Variants in PLEKHG1 observed in about 807,000 individuals in gnomAD.
PLEKHG1 encodes pleckstrin homology domain-containing family G member 1.
Under a neutral mutation model 100.8 loss-of-function variants are expected in PLEKHG1, and 44 were observed. The observed-to-expected ratio is 0.44, with a 90% CI of 0.34 to 0.56. PLEKHG1 has a LOEUF of 0.56. Ranked by LOEUF, PLEKHG1 falls within the 20% of genes least tolerant of loss-of-function variation. The pLI, the probability that PLEKHG1 is intolerant of heterozygous loss-of-function variation, is 0.01. For synonymous variants in PLEKHG1, 640 were observed against 662.5 expected (o/e 0.97, Z 0.52); for missense variants, 1,545 against 1,720.9 (o/e 0.90, Z 1.81).
intron 3 of PLEKHG1, among the ~76,000 whole-genome samples, chr6:150,684,932 G>A (rs1051990465): frequency 6.6e-6 from 1 of 152,068 alleles, no homozygotes; most frequent in Non-Finnish European, 1.5e-5. Flanking sequence ...CGTTTTCTCT[G>A]CCACTTCACC....
chr6:150,708,492 C>A (rs1781112145), intron 3 of PLEKHG1, among the ~76,000 whole-genome samples: 1 of 152,142 alleles, frequency 6.6e-6, no homozygotes, highest in African/African-American at 2.4e-5. Flanking sequence ...CCCCCTTAGG[C>A]CCCTTGTAAA....
chr6:150,669,684 C>T (rs926410692), intron 3 of PLEKHG1, among the ~76,000 whole-genome samples: 1 of 151,182 alleles, frequency 6.6e-6, no homozygotes, highest in Non-Finnish European at 1.5e-5. Context: ...GCAACCTCCA[C>T]CTCCCAGGTT....
intron 3 of PLEKHG1, among the ~76,000 whole-genome samples, chr6:150,715,495 T>TTC (rs1420950204): frequency 4.0e-5 from 6 of 150,526 alleles, no homozygotes; most frequent in African/African-American, 1.5e-4. Flanking sequence ...TTTTTCTTTT[T>TTC]TTTTTTTTTT....
At chr6:150,760,673 AG>A in intron 2 of PLEKHG1, among the ~76,000 whole-genome samples, 1 of 146,860 alleles carries the variant, frequency 6.8e-6, no homozygotes, top group African/African-American at 2.5e-5. Context: ...AAATAATGAT[AG>A]GATTTACACT....
chr6:150,721,027 C>A, upstream of PLEKHG1: 1 of 385,178 alleles, frequency 2.6e-6, no homozygotes, highest in Non-Finnish European at 3.6e-6. Flanking sequence ...GAGAAAGTTG[C>A]AAATCAGGTT....
intron 14 of PLEKHG1, chr6:150,827,516 T>C (rs1289543440): frequency 1.9e-6 from 1 of 519,554 alleles, no homozygotes; most frequent in African/African-American, 1.9e-5. Context: ...CCTCAGGTGA[T>C]TCGCCCGCCT....
rs1165879186 is a variant in PLEKHG1 at position 150,828,297 on chromosome 6, C to T, written c.1471-2285C>T. The stretch of plus-strand genomic sequence containing the variant: ...CAATTACGACAGACCTGGAGGAAAA[C>T]CCTAAGAAGCCGATTGAAGACGTGT... On this transcript the variant is annotated intron_variant, in intron 14 of 15. Coordinates refer to ENST00000358517, the Ensembl canonical transcript of PLEKHG1. 4.3e-6 allele frequency: 7 copies of T among 1,612,050 alleles called. No homozygotes were observed. In the Admixed American group the frequency reaches 1.2e-4, roughly 27 times the overall value.
chr6:150,821,229 C>G (rs750480239), exon 13 of PLEKHG1: 1 of 1,607,796 alleles, frequency 6.2e-7, no homozygotes, highest in Middle Eastern at 1.7e-4. Flanking sequence ...TTTTGAAGAC[C>G]AGTGGTAAGT....
Position 150,763,273 on chromosome 6 carries a change from C to T in PLEKHG1, c.412-5365C>T, listed in dbSNP as rs547470742. 6.6e-5 allele frequency among the ~76,000 whole-genome samples: 10 copies of T among 152,080 alleles called. No homozygotes were observed. In the South Asian group the frequency reaches 2.1e-3, roughly 32 times the overall value. On this transcript the variant is annotated intron_variant, in intron 2 of 15. Transcript: ENST00000358517. Reference sequence around the variant, plus strand: ...CTGGAACTCCTGACTTCAGGTGATCCACCTGCCTCAGCCTCCCAAAGTGTG... The same window carrying T: ...CTGGAACTCCTGACTTCAGGTGATCTACCTGCCTCAGCCTCCCAAAGTGTG...
intron 3 of PLEKHG1, among the ~76,000 whole-genome samples, chr6:150,693,244 C>T (rs62434131): frequency 5.3e-5 from 8 of 152,050 alleles, no homozygotes; most frequent in Non-Finnish European, 1.0e-4. Flanking sequence ...GCCAAGATCA[C>T]GCCACTGCAC....
At position 150,710,508 on chromosome 6, in the gene PLEKHG1, C is replaced by T. The variant is rs75750843; in HGVS notation, c.-98-23076C>T. The stretch of plus-strand genomic sequence containing the variant: ...TGGTTACCGCCCAAGCAGCTCTGCC[C>T]ACTGTCTGGAGGAGAAAGAAAAGGT... On this transcript the variant is annotated intron_variant, in intron 3 of 3. Transcript: ENST00000367326. Among the ~76,000 whole-genome samples, 1,385 of 152,218 alleles carry T rather than the reference C, an allele frequency of 9.1e-3. 26 individuals are homozygous for T. The highest frequency in any genetic ancestry group is 0.031 in the African/African-American group (1,305 of 41,524).
chr6:150,815,209 A>G lies in PLEKHG1; in HGVS notation c.1279-2974A>G, dbSNP rs202005942. ...TGCATAGTGGGAAATTTTAAACATC[A>G]AGAAATGTATCACCAGTCTAATAAT... On this transcript the variant is annotated intron_variant, in intron 10 of 15. Coordinates refer to ENST00000358517, the Ensembl canonical transcript of PLEKHG1. Among the ~76,000 whole-genome samples the G allele has an allele frequency of 2.6e-5, 4 of 152,308 alleles. No individual in the cohort carries two copies. In the East Asian group the frequency reaches 5.8e-4, roughly 22 times the overall value.
intron 3 of PLEKHG1, among the ~76,000 whole-genome samples, chr6:150,677,434 C>T (rs1482638899): frequency 6.6e-6 from 1 of 152,194 alleles, no homozygotes; most frequent in Non-Finnish European, 1.5e-5. Flanking sequence ...CACCCCATCC[C>T]ATGACTCCAG....
At chr6:150,685,240 G>A (rs890218201) in intron 3 of PLEKHG1, among the ~76,000 whole-genome samples, 2 of 152,130 alleles carry the variant, frequency 1.3e-5, no homozygotes, top group Admixed American at 6.5e-5. Context: ...CCCACAGGGC[G>A]TGGCCCCAGC....
exon 16 of PLEKHG1, chr6:150,842,347 G>A (rs775631954): frequency 6.6e-6 from 1 of 152,158 alleles, no homozygotes; most frequent in Non-Finnish European, 1.5e-5. Context: ...AATAATATAT[G>A]TAGGGAAAGG....
chr6:150,756,495 A>T (rs1308345420), intron 2 of PLEKHG1, among the ~76,000 whole-genome samples: 1 of 152,188 alleles, frequency 6.6e-6, no homozygotes, highest in African/African-American at 2.4e-5. Flanking sequence ...GCCAGGGTGT[A>T]ATCACATTCA....
chr6:150,833,863 T>C (rs992102590), intron 15 of PLEKHG1, among the ~76,000 whole-genome samples: 2 of 152,192 alleles, frequency 1.3e-5, no homozygotes, highest in African/African-American at 4.8e-5. Flanking sequence ...TTAGCTTCAT[T>C]ATCAGCACAT....
rs748798801 is a variant in PLEKHG1 at position 150,734,101 on chromosome 6, G to T, written c.411+9G>T. ...TAAAAAGCATCGTAGAGGTAAGACC[G>T]ACTTCGCTTTTAATGTTTGCCATGC... On this transcript the variant is annotated intron_variant, in intron 2 of 15. Transcript: ENST00000358517. The T allele has an allele frequency of 3.1e-5, 49 of 1,591,682 alleles. No individual in the cohort carries two copies. Among genetic ancestry groups the T allele is most frequent in the African/African-American group, 2.0e-4 (15 of 73,984 alleles).
intron 10 of PLEKHG1, among the ~76,000 whole-genome samples, chr6:150,814,788 A>C (rs1431514781): frequency 6.6e-6 from 1 of 152,148 alleles, no homozygotes; most frequent in Non-Finnish European, 1.5e-5. Context: ...CATACAAGAA[A>C]AAGCACACTG....
Sources: gnomAD v4.1 joint callset for allele counts (sites outside exome capture counted in the v4.1 genomes callset) on GRCh38, gnomAD v4.1.1 for gene constraint, MANE v1.5 for transcripts, NCBI Gene and HGNC (gene_info 2026-07-23, HGNC 2026-07-21) for gene names.